The following AGBL4 variants were observed in gnomAD, a reference collection of about 807,000 sequenced individuals.
AGBL4 encodes the protein AGBL carboxypeptidase 4, also known as cytosolic carboxypeptidase 6.
A neutral mutation model predicts 66.4 loss-of-function variants in AGBL4; 58 were observed. The ratio of observed to expected loss-of-function variants is 0.87; its 90% CI spans 0.71 to 1.09. The LOEUF is 1.09. Ranked by LOEUF, AGBL4 falls within the 50% of genes least tolerant of loss-of-function variation. The probability of loss-of-function intolerance (pLI) is 0.00; values close to 1 mark genes in which losing one functional copy is unlikely to be tolerated. For missense variants in AGBL4, 579 were observed against 631.0 expected (o/e 0.92, Z 0.88); for synonymous variants, 234 against 222.9 (o/e 1.05, Z -0.44).
At chr1:48,732,702 G>A (rs571002804) in intron 6 of AGBL4, among the ~76,000 whole-genome samples, 1 of 152,260 alleles carries the variant, frequency 6.6e-6, no homozygotes, top group East Asian at 1.9e-4. Flanking sequence ...ATAAGATGAG[G>A]TCAGAGGCGT....
chr1:49,233,058 GT>G (rs1347892220), intron 4 of AGBL4, among the ~76,000 whole-genome samples: 1 of 152,084 alleles, frequency 6.6e-6, no homozygotes, highest in African/African-American at 2.4e-5. Context: ...CAATTACAAT[GT>G]ACACTGCCAT....
chr1:49,842,108 C>T (rs1256217563), intron 2 of AGBL4: 2 of 351,472 alleles, frequency 5.7e-6, no homozygotes, highest in Non-Finnish European at 1.1e-5. Context: ...GAAGTCCGCG[C>T]CAAGCTCCCC....
chr1:49,421,186 C>T (rs1415455926), intron 3 of AGBL4, among the ~76,000 whole-genome samples: 1 of 152,102 alleles, frequency 6.6e-6, no homozygotes, highest in Non-Finnish European at 1.5e-5. Flanking sequence ...ACTGAGCTAA[C>T]CAGAGCATAA....
intron 6 of AGBL4, among the ~76,000 whole-genome samples, chr1:48,784,611 A>T (rs920574257): frequency 2.0e-5 from 3 of 152,354 alleles, no homozygotes; most frequent in African/African-American, 7.2e-5. Flanking sequence ...AAAAACTTCT[A>T]TGCATTATAT....
At chr1:49,699,277 T>C (rs1341941868) in intron 2 of AGBL4, among the ~76,000 whole-genome samples, 1 of 152,096 alleles carries the variant, frequency 6.6e-6, no homozygotes. Flanking sequence ...GCAACTACTC[T>C]GTTGACCTTC....
chr1:49,628,204 C>T (rs1410774077), intron 3 of AGBL4, among the ~76,000 whole-genome samples: 1 of 152,100 alleles, frequency 6.6e-6, no homozygotes, highest in Non-Finnish European at 1.5e-5. Flanking sequence ...TAGTGATTCT[C>T]CTTTTGCAGC....
rs141356979 is a variant in AGBL4, at chr1:49,400,606, T to G, written c.283-154742A>C. On this transcript the variant is annotated intron_variant, in intron 3 of 13. Transcript: ENST00000371839. Reference sequence around the variant, plus strand: ...TCCACTTCTTTGGTTAACTACTAGGTGTTTAATTTTATTTGTGGCTATCAT... The same window carrying G: ...TCCACTTCTTTGGTTAACTACTAGGGGTTTAATTTTATTTGTGGCTATCAT... 8.5e-3 allele frequency among the ~76,000 whole-genome samples: 1,299 copies of G among 152,308 alleles called. 18 individuals are homozygous for G. The highest frequency in any genetic ancestry group is 0.03 in the African/African-American group (1,229 of 41,572).
chr1:49,999,377 G>A (rs1388327147), intron 1 of AGBL4, among the ~76,000 whole-genome samples: 1 of 149,910 alleles, frequency 6.7e-6, no homozygotes, highest in Non-Finnish European at 1.5e-5. Context: ...TAACCAAGGA[G>A]GTGGAGGTAA....
intron 5 of AGBL4, 60 bp downstream of exon 5, chr1:49,045,524 G>A: frequency 6.8e-7 from 1 of 1,471,828 alleles, no homozygotes; most frequent in Middle Eastern, 1.7e-4. Context: ...CCCGTGTTAA[G>A]TCCCTATCCC....
chr1:49,863,496 A>G (rs1297208002), intron 1 of AGBL4, among the ~76,000 whole-genome samples: 1 of 152,240 alleles, frequency 6.6e-6, no homozygotes, highest in Non-Finnish European at 1.5e-5. Context: ...TGAAGAGACA[A>G]CCCACAGAAT....
intron 3 of AGBL4, among the ~76,000 whole-genome samples, chr1:49,498,684 A>G (rs527302639): frequency 9.9e-4 from 150 of 151,910 alleles, no homozygotes; most frequent in African/African-American, 3.5e-3. Context: ...TTCAGGGTTG[A>G]GCATGATGAT....
At chr1:48,543,088 G>C (rs1435208549) in intron 11 of AGBL4, among the ~76,000 whole-genome samples, 3 of 152,058 alleles carry the variant, frequency 2.0e-5, no homozygotes, top group African/African-American at 7.2e-5. Context: ...TGTGTTTATC[G>C]ACCTTCCCAA....
intron 5 of AGBL4, among the ~76,000 whole-genome samples, chr1:49,030,049 A>G (rs1004066426): frequency 1.8e-4 from 27 of 152,184 alleles, no homozygotes; most frequent in African/African-American, 5.5e-4. Context: ...AAAATTATAA[A>G]GCTCTTAGAA....
chr1:49,108,988 A>G (rs1645352995), intron 4 of AGBL4, among the ~76,000 whole-genome samples: 1 of 152,312 alleles, frequency 6.6e-6, no homozygotes, highest in East Asian at 1.9e-4. Context: ...ACCTACCTGA[A>G]AAATGAGGGG....
chr1:49,197,549 C>T (rs778955286), intron 4 of AGBL4, among the ~76,000 whole-genome samples: 3 of 152,124 alleles, frequency 2.0e-5, no homozygotes, highest in Admixed American at 6.5e-5. Flanking sequence ...GCTGAGGTGC[C>T]GGCCTGGGCG....
At chr1:48,587,743 T>C (rs1014545821) in intron 10 of AGBL4, among the ~76,000 whole-genome samples, 11 of 151,700 alleles carry the variant, frequency 7.3e-5, no homozygotes, top group Non-Finnish European at 1.3e-4. Context: ...CCCTGGTTCA[T>C]GCCATTCTCC....
chr1:48,629,622 G>A (rs1022715007), intron 9 of AGBL4, among the ~76,000 whole-genome samples: 1 of 152,166 alleles, frequency 6.6e-6, no homozygotes, highest in Non-Finnish European at 1.5e-5. Context: ...TGGCCATAGA[G>A]AGCTAATTTC....
At chr1:48,559,837 C>T (rs905113832) in intron 11 of AGBL4, among the ~76,000 whole-genome samples, 4 of 152,086 alleles carry the variant, frequency 2.6e-5, no homozygotes, top group African/African-American at 9.7e-5. Flanking sequence ...GCCTCTTTCC[C>T]CTCTTGGTTA....
At chr1:49,989,802 A>T (rs1336988984) in intron 1 of AGBL4, among the ~76,000 whole-genome samples, 1 of 152,196 alleles carries the variant, frequency 6.6e-6, no homozygotes, top group African/African-American at 2.4e-5. Context: ...AGAAATTTTT[A>T]AAATATTCTC....
Sources: gnomAD v4.1 joint callset for allele counts (sites outside exome capture counted in the v4.1 genomes callset) on GRCh38, gnomAD v4.1.1 for gene constraint, MANE v1.5 for transcripts, NCBI Gene and HGNC (gene_info 2026-07-23, HGNC 2026-07-21) for gene names.